The following ACSF2 variants were observed in gnomAD, a reference collection of about 807,000 sequenced individuals.
ACSF2 encodes acyl-CoA synthetase family member 2.
Under a neutral mutation model 79.3 loss-of-function variants are expected in ACSF2, and 52 were observed. The observed-to-expected ratio is 0.66, with a 90% CI of 0.53 to 0.83. The LOEUF (loss-of-function observed/expected upper bound fraction) is 0.83, where lower values mean the gene tolerates loss of function less well. ACSF2 is among the 40% of genes least tolerant of loss of function. ACSF2 has a pLI of 0.00. For missense variants in ACSF2, 661 were observed against 803.3 expected (o/e 0.82, Z 2.14); for synonymous variants, 283 against 312.6 (o/e 0.91, Z 1.00).
chr17:50,467,900 T>G (rs1598431315), intron 10 of ACSF2: 2 of 772,708 alleles, frequency 2.6e-6, no homozygotes, highest in East Asian at 2.7e-5. Context: ...GGAAGGGAGG[T>G]GGCAGAGCTG....
At chr17:50,426,450 G>A (rs1382561885) in intron 1 of ACSF2, 61 bp downstream of exon 1, 17 of 1,271,990 alleles carry the variant, frequency 1.3e-5, no homozygotes, top group Non-Finnish European at 1.6e-5. Flanking sequence ...GAACTTGGAG[G>A]TCCCGGCGAG....
chr17:50,470,971 AC>A lies in ACSF2; in HGVS notation c.1216-55del, dbSNP rs578089049. 14 of 1,287,704 alleles carry A rather than the reference AC, an allele frequency of 1.1e-5. No homozygotes were observed. The Admixed American group carries it at 2.2e-4, about 21-fold the overall frequency. 79.8% of individuals were successfully genotyped at this position (1,287,704 alleles called of 1,614,324 possible). ...TCCTTCCCATTTCCTCAGATAGCTC[AC>A]CTGATCCCTCTGCACGTGCTGAGCC... On this transcript the variant is annotated intron_variant, in intron 10 of 15. Coordinates refer to ENST00000300441, the MANE Select transcript of ACSF2 (RefSeq NM_025149.6).
At chr17:50,459,077 T>C (rs17641232) in intron 1 of ACSF2, among the ~76,000 whole-genome samples, 38,720 of 152,202 alleles carry the variant, frequency 0.25, 5,299 homozygotes, top group Non-Finnish European at 0.31. Context: ...CATGAATGGA[T>C]GGTAAAATGC....
intron 10 of ACSF2, chr17:50,465,731 G>A: frequency 2.5e-6 from 4 of 1,613,686 alleles, no homozygotes; most frequent in Non-Finnish European, 3.4e-6. Context: ...GAGCTGGCAG[G>A]TACACTTCCA....
chr17:50,454,181 T>TC (rs1040010343), intron 1 of ACSF2, among the ~76,000 whole-genome samples: 2 of 148,444 alleles, frequency 1.3e-5, no homozygotes, highest in African/African-American at 5.0e-5. Context: ...TTTTTTTTTT[T>TC]TTTTTTTTTT....
At chr17:50,452,688 AAAAGAAAG>A (rs367995571) in intron 1 of ACSF2, among the ~76,000 whole-genome samples, 1 of 152,158 alleles carries the variant, frequency 6.6e-6, no homozygotes, top group Non-Finnish European at 1.5e-5. Context: ...AAAGTTAAAA[AAAAGAAAG>A]AAAGAAAGAA....
chr17:50,461,510 C>T (rs1972277735), intron 3 of ACSF2, 123 bp from the exon 4 acceptor site: 2 of 1,582,420 alleles, frequency 1.3e-6, no homozygotes, highest in African/African-American at 1.3e-5. Context: ...TGAGGCCCAC[C>T]AAGGAGGTCT....
intron 3 of ACSF2, 84 bp from the exon 4 acceptor site, chr17:50,461,549 C>T (rs2032326561): frequency 6.2e-7 from 1 of 1,603,334 alleles, no homozygotes; most frequent in Non-Finnish European, 8.5e-7. Flanking sequence ...TAGAGTGCTG[C>T]CTCTATGCCT....
At position 50,432,719 on chromosome 17, in the gene ACSF2, C is replaced by G. The variant is rs566506441; in HGVS notation, c.128+6330C>G. Among the ~76,000 whole-genome samples, 101 of 152,300 alleles carry G rather than the reference C, an allele frequency of 6.6e-4. 1 individual carries two copies. The highest frequency in any genetic ancestry group is 1.2e-3 in the Non-Finnish European group (80 of 68,026). On this transcript the variant is annotated intron_variant, in intron 1 of 15. Coordinates refer to ENST00000300441, the MANE Select transcript of ACSF2 (RefSeq NM_025149.6). The stretch of plus-strand genomic sequence containing the variant: ...AAACCTCAGTGGCATGCATGTATTC[C>G]TCCATTTGGGAGTTAGTTGACGGGA...
Position 50,463,220 on chromosome 17 carries a change from T to C in ACSF2, c.857T>C (p.Ile286Thr). 6.2e-7 allele frequency: 1 copy of C among 1,613,984 alleles called. No homozygotes were observed. The highest frequency in any genetic ancestry group is 8.5e-7 in the Non-Finnish European group (1 of 1,179,994). Residue 286 changes from isoleucine to threonine, a missense_variant, in exon 7 of 16, where the codon ATT (isoleucine) becomes ACT (threonine). By Grantham distance (89) the Ile-to-Thr change is moderately conservative. Coordinates refer to ENST00000300441, the MANE Select transcript of ACSF2 (RefSeq NM_025149.6). The surrounding 1 kb of genome is among the most constrained non-coding windows in gnomAD (Gnocchi z 4.6). ...TACAACATTGTCAACAACTCCAACA[T>C]TTTAGGAGAGCGCCTGAAACTGCAT... ...SHYNIVNNSN[I>T]LGERLKLHEK...
At chr17:50,430,048 A>G (rs1214882226) in intron 1 of ACSF2, among the ~76,000 whole-genome samples, 1 of 152,226 alleles carries the variant, frequency 6.6e-6, no homozygotes, top group Non-Finnish European at 1.5e-5. Context: ...AGGCAGCTGC[A>G]TCCAGGGTGT....
At chr17:50,469,144 C>T in intron 10 of ACSF2, 1 of 652,126 alleles carries the variant, frequency 1.5e-6, no homozygotes, top group African/African-American at 1.9e-5. Flanking sequence ...CTGCCTACCG[C>T]CTTTCCCGGG....
chr17:50,465,764 G>T (rs767560413), intron 10 of ACSF2: 16 of 1,613,792 alleles, frequency 9.9e-6, no homozygotes, highest in Non-Finnish European at 1.4e-5. Context: ...AAGGGCGAGG[G>T]TCTCCAGGCT....
In ACSF2 at chr17:50,474,034, C is replaced by T; in HGVS notation, c.1728+30C>T. 6.5e-7 allele frequency: 1 copy of T among 1,538,166 alleles called. No homozygotes were observed. The stretch of plus-strand genomic sequence containing the variant: ...GAGCCTCCGCTCAACCTAGCTGATG[C>T]TGCTCTGTTCTTTGCTCACCCACTC... On this transcript the variant is annotated intron_variant, in intron 14 of 15. Transcript: ENST00000300441. This position sits in a 1 kb window ranked among gnomAD's most constrained non-coding sequence, Gnocchi z 4.2.
At chr17:50,472,324 TGGGTTGGG>T in intron 11 of ACSF2, 96 bp from the exon 12 acceptor site, 1 of 1,398,232 alleles carries the variant, frequency 7.2e-7, no homozygotes, top group Non-Finnish European at 9.6e-7. Context: ...TCCAGGCAGT[TGGGTTGGG>T]GGGTTGGGGG....
At chr17:50,469,389 C>T (rs536260670) in intron 10 of ACSF2, among the ~76,000 whole-genome samples, 144 of 152,312 alleles carry the variant, frequency 9.5e-4, no homozygotes, top group South Asian at 2.1e-3. Flanking sequence ...TTGTGCGGCG[C>T]CTGCCGAGCG....
At chr17:50,453,093 G>A (rs911558857) in intron 1 of ACSF2, among the ~76,000 whole-genome samples, 3 of 152,276 alleles carry the variant, frequency 2.0e-5, no homozygotes, top group Middle Eastern at 3.4e-3. Flanking sequence ...CAGTTGCACC[G>A]GGTCCTCTGC....
chr17:50,463,476 A>G lies in ACSF2; in HGVS notation c.970A>G (p.Met324Val). ...GSVAGTMMCL[M>V]YGATLILASP... ...CGTGGCAGGCACAATGATGTGTCTG[A>G]TGTACGGTGCCACCCTCATCCTGGC... is the stretch of plus-strand genomic sequence containing the variant. Residue 324 changes from methionine (M) to valine (V), a missense_variant, in exon 8 of 16, where the codon ATG becomes GTG. Coordinates refer to ENST00000300441, the MANE Select transcript of ACSF2 (RefSeq NM_025149.6). The surrounding 1 kb of genome is among the most constrained non-coding windows in gnomAD (Gnocchi z 4.6). 1 of 1,614,114 alleles carries G rather than the reference A, an allele frequency of 6.2e-7. No individual in the cohort carries two copies. The highest frequency in any genetic ancestry group is 8.5e-7 in the Non-Finnish European group (1 of 1,180,026).
At chr17:50,426,989 GC>G in intron 1 of ACSF2, 1 of 1,535,750 alleles carries the variant, frequency 6.5e-7, no homozygotes, top group Non-Finnish European at 8.7e-7. Flanking sequence ...AGTAAGTAAA[GC>G]TGCCTTCCCG....
Sources: allele counts gnomAD v4.1 joint callset (sites outside exome capture counted in the v4.1 genomes callset), GRCh38; gene constraint gnomAD v4.1.1; non-coding constraint Gnocchi (gnomAD v3.1); transcripts MANE v1.5; gene names NCBI Gene and HGNC (gene_info 2026-07-23, HGNC 2026-07-21).